Variants in METAP1 observed in about 807,000 individuals in gnomAD.
The protein encoded by METAP1 is methionine aminopeptidase 1.
A neutral mutation model predicts 53.8 loss-of-function variants in METAP1; 28 were observed. That is an observed-to-expected ratio of 0.52 (90% CI 0.39 to 0.71). The LOEUF is 0.71. Ranked by LOEUF, METAP1 falls within the 30% of genes least tolerant of loss-of-function variation. METAP1 has a pLI of 0.00. For missense variants in METAP1, 389 were observed against 479.8 expected (o/e 0.81, Z 1.77); for synonymous variants, 181 against 165.7 (o/e 1.09, Z -0.71).
chr4:99,013,193 C>T (rs1367567872), intron 1 of METAP1, among the ~76,000 whole-genome samples: 1 of 152,058 alleles, frequency 6.6e-6, no homozygotes, highest in Non-Finnish European at 1.5e-5. Context: ...AAACCTAAGA[C>T]ATTGTAGACT....
intron 3 of METAP1, among the ~76,000 whole-genome samples, chr4:99,034,885 G>C (rs1413209802): frequency 1.3e-5 from 2 of 152,050 alleles, no homozygotes; most frequent in African/African-American, 4.8e-5. Flanking sequence ...TTGGCAGATA[G>C]GACTTGGAGT....
intron 10 of METAP1, among the ~76,000 whole-genome samples, chr4:99,059,468 A>G (rs1420962250): frequency 5.3e-5 from 8 of 152,160 alleles, no homozygotes; most frequent in Non-Finnish European, 1.0e-4. Context: ...GGGATTTAAT[A>G]TTGCAAAAGT....
At chr4:99,054,245 C>T (rs1487929245) in intron 9 of METAP1, among the ~76,000 whole-genome samples, 4 of 152,308 alleles carry the variant, frequency 2.6e-5, no homozygotes. Context: ...TTAGCTATAT[C>T]TTCTGGCAAA....
intron 1 of METAP1, among the ~76,000 whole-genome samples, chr4:99,004,459 AC>A (rs1314053994): frequency 0.024 from 710 of 29,114 alleles, 7 homozygotes; most frequent in African/African-American, 0.064. Flanking sequence ...ACACACACAC[AC>A]ACACACACAC....
At chr4:99,026,345 T>C (rs1724556209) in intron 1 of METAP1, 30 of 985,452 alleles carry the variant, frequency 3.0e-5, no homozygotes, top group Non-Finnish European at 3.6e-5. Flanking sequence ...AACAAAGTGC[T>C]GTTCAGCGAG....
At chr4:99,001,209 C>T (rs1299591536) in intron 1 of METAP1, among the ~76,000 whole-genome samples, 1 of 152,120 alleles carries the variant, frequency 6.6e-6, no homozygotes, top group African/African-American at 2.4e-5. Context: ...TAGGGATTTT[C>T]TTTAAATTCC....
intron 10 of METAP1, among the ~76,000 whole-genome samples, 183 bp from the exon 11 acceptor site, chr4:99,060,971 A>G (rs1212613327): frequency 1.3e-5 from 2 of 152,222 alleles, no homozygotes; most frequent in Admixed American, 6.5e-5. Context: ...TGTGGTTGTA[A>G]TACATCTGAT....
intron 1 of METAP1, chr4:99,005,623 A>G (rs969783214): frequency 8.1e-6 from 2 of 247,624 alleles, no homozygotes; most frequent in Non-Finnish European, 1.7e-5. Context: ...CTGTATATGT[A>G]TGTTTATCGC....
Position 99,048,767 on chromosome 4 carries a change from C to T in METAP1, c.822C>T (p.Asn274=). Residue 274 remains asparagine, a synonymous_variant, in exon 9 of 11, where the codon AAC becomes AAT. Coordinates refer to ENST00000296411, the MANE Select transcript of METAP1 (RefSeq NM_015143.3). The part of the protein sequence containing the change: ...KPGVRYRELG[N]IIQKHAQANG... ...GTGTTCGGTACAGAGAATTGGGAAA[C>T]ATTATCCAGAAGCATGCCCAAGCAA... The T allele has an allele frequency of 6.2e-7, 1 of 1,613,954 alleles. No homozygotes were observed. The highest frequency in any genetic ancestry group is 8.5e-7 in the Non-Finnish European group (1 of 1,179,860).
At chr4:99,023,177 ACTG>A in intron 1 of METAP1, 1 of 566,112 alleles carries the variant, frequency 1.8e-6, no homozygotes, top group Non-Finnish European at 2.9e-6. Context: ...ACTTCTAATG[ACTG>A]CATAGATTCA....
At chr4:99,054,415 G>T (rs977037277) in intron 9 of METAP1, among the ~76,000 whole-genome samples, 3 of 152,206 alleles carry the variant, frequency 2.0e-5, no homozygotes, top group Admixed American at 6.5e-5. Context: ...AAGAGAGTTA[G>T]TGCCTTGCTC....
chr4:99,032,421 C>T (rs1007325297), intron 2 of METAP1, among the ~76,000 whole-genome samples: 5 of 151,828 alleles, frequency 3.3e-5, no homozygotes, highest in African/African-American at 7.3e-5. Context: ...TTTGTGGAGA[C>T]GGGTTTTTCC....
intron 2 of METAP1, chr4:99,031,656 A>G (rs1335361775): frequency 1.8e-6 from 2 of 1,114,432 alleles, no homozygotes; most frequent in African/African-American, 1.6e-5. Context: ...CATGTGTACC[A>G]TGCATAGTAA....
intron 9 of METAP1, among the ~76,000 whole-genome samples, chr4:99,051,174 A>G (rs937604665): frequency 2.0e-5 from 3 of 152,138 alleles, no homozygotes; most frequent in Non-Finnish European, 4.4e-5. Context: ...CAGAAGCAAT[A>G]AAATTTGAGT....
rs551998669 is a variant in METAP1, at chr4:99,016,478, T to C, written c.115-12389T>C. ...AGCACCTGGGCCAGTTTTATCATAA[T>C]GTGTGCCGTAAAGTGGGTCCCATTA... On this transcript the variant is annotated intron_variant, in intron 1 of 10. Coordinates refer to ENST00000296411, the MANE Select transcript of METAP1 (RefSeq NM_015143.3). 7.9e-5 allele frequency among the ~76,000 whole-genome samples: 12 copies of C among 152,308 alleles called. No homozygotes were observed. In the South Asian group the frequency reaches 2.3e-3, roughly 29 times the overall value.
intron 1 of METAP1, among the ~76,000 whole-genome samples, chr4:98,997,731 C>T (rs1401132529): frequency 6.6e-6 from 1 of 152,054 alleles, no homozygotes. Context: ...GGGTTTATTC[C>T]GTGTGTTAGG....
intron 2 of METAP1, among the ~76,000 whole-genome samples, chr4:99,032,540 CTT>C (rs1277751663): frequency 6.6e-6 from 1 of 152,140 alleles, no homozygotes; most frequent in Admixed American, 6.5e-5. Context: ...CCTAAATTCT[CTT>C]TTGAATATAA....
At chr4:99,007,148 G>C (rs1030617953) in intron 1 of METAP1, among the ~76,000 whole-genome samples, 10 of 151,926 alleles carry the variant, frequency 6.6e-5, no homozygotes, top group Non-Finnish European at 1.3e-4. Context: ...TAGAGATGGA[G>C]ATCTCCCTAT....
At chr4:99,057,308 C>G (rs1037150842) in intron 9 of METAP1, among the ~76,000 whole-genome samples, 2 of 152,218 alleles carry the variant, frequency 1.3e-5, no homozygotes, top group Admixed American at 6.5e-5. Context: ...TGCTTACCCC[C>G]CAAAGCGGTG....
Sources: gnomAD v4.1 joint callset for allele counts (sites outside exome capture counted in the v4.1 genomes callset) on GRCh38, gnomAD v4.1.1 for gene constraint, MANE v1.5 for transcripts, NCBI Gene and HGNC (gene_info 2026-07-23, HGNC 2026-07-21) for gene names.